Variants in NSG2 observed in about 807,000 individuals in gnomAD.
NSG2 encodes the protein neuronal vesicle trafficking-associated protein 2.
In NSG2, 4 loss-of-function variants were observed where a neutral mutation model predicts 16.9. The observed-to-expected ratio is 0.24, with a 90% CI of 0.12 to 0.54. The LOEUF (loss-of-function observed/expected upper bound fraction) is 0.54. Ranked by LOEUF, NSG2 falls within the 20% of genes least tolerant of loss-of-function variation. NSG2 has a pLI of 0.95. For synonymous variants in NSG2, 98 were observed against 88.7 expected, an observed-to-expected ratio of 1.11 and a Z score of -0.59; for missense variants, 179 against 221.1, an observed-to-expected ratio of 0.81 and a Z score of 1.21.
intron 1 of NSG2, 82 bp from the exon 2 acceptor site, chr5:174,046,652 G>C: frequency 7.8e-7 from 1 of 1,275,968 alleles, no homozygotes; most frequent in Non-Finnish European, 1.1e-6. Flanking sequence ...GAGCTGTTGA[G>C]GACAGTGCTA....
intron 3 of NSG2, among the ~76,000 whole-genome samples, chr5:174,091,644 G>GGTGTGTGTGTGTGTGTGT (rs35746227): frequency 7.2e-6 from 1 of 139,606 alleles, no homozygotes; most frequent in African/African-American, 2.7e-5. Flanking sequence ...AACTAGGACT[G>GGTGTGTGTGTGTGTGTGT]GTGTGTGTGT....
intron 2 of NSG2, among the ~76,000 whole-genome samples, chr5:174,053,025 C>T (rs1037722424): frequency 6.6e-6 from 1 of 152,200 alleles, no homozygotes; most frequent in African/African-American, 2.4e-5. Flanking sequence ...AAACTAATGA[C>T]TAATGTATGG....
At chr5:174,106,976 G>A (rs536079695) in intron 4 of NSG2, among the ~76,000 whole-genome samples, 1 of 152,340 alleles carries the variant, frequency 6.6e-6, no homozygotes, top group East Asian at 1.9e-4. Context: ...AGCCCAGAGA[G>A]GCAACAAGGG....
intron 3 of NSG2, among the ~76,000 whole-genome samples, chr5:174,095,739 T>A (rs1333207604): frequency 1.3e-5 from 2 of 152,206 alleles, no homozygotes; most frequent in Non-Finnish European, 2.9e-5. Flanking sequence ...TTATCCCACG[T>A]AACCCTCAGA....
At chr5:174,106,697 C>T (rs1454065136) in intron 4 of NSG2, among the ~76,000 whole-genome samples, 2 of 145,824 alleles carry the variant, frequency 1.4e-5, no homozygotes, top group African/African-American at 2.6e-5. Flanking sequence ...TGGGTTCAAG[C>T]GATTCTTCTG....
At chr5:174,088,765 G>A (rs59683203) in intron 3 of NSG2, among the ~76,000 whole-genome samples, 22,968 of 152,062 alleles carry the variant, frequency 0.15, 2,224 homozygotes, top group African/African-American at 0.26. Flanking sequence ...TAGGATTCTC[G>A]TTTCCAGATA....
In NSG2 at chr5:174,108,279, C is replaced by A; in HGVS notation, c.*774C>A. 1 of 159,650 alleles carries A rather than the reference C, an allele frequency of 6.3e-6. No homozygotes were observed. 9.9% of individuals were successfully genotyped at this position (159,650 alleles called of 1,614,324 possible). On this transcript the variant is annotated 3_prime_UTR_variant, in exon 5 of 5. Coordinates refer to ENST00000303177, the MANE Select transcript of NSG2 (RefSeq NM_015980.5). ...TTTCTTTGTCTTTTGCTTGCATTTT[C>A]TAGATCCACACCTGGATACTGCCCA...
At chr5:174,066,371 C>A in intron 3 of NSG2, 1 of 417,732 alleles carries the variant, frequency 2.4e-6, no homozygotes, top group South Asian at 1.7e-5. Flanking sequence ...GCCTTCCTGG[C>A]AAGAGATCAC....
At chr5:174,076,862 A>T (rs1045177956) in intron 3 of NSG2, among the ~76,000 whole-genome samples, 1 of 152,184 alleles carries the variant, frequency 6.6e-6, no homozygotes, top group African/African-American at 2.4e-5. Flanking sequence ...ACAACAAAGC[A>T]TTTTCCAGCC....
At chr5:174,057,576 G>A (rs542571150) in intron 2 of NSG2, among the ~76,000 whole-genome samples, 1 of 152,344 alleles carries the variant, frequency 6.6e-6, no homozygotes, top group South Asian at 2.1e-4. Flanking sequence ...TCCCCATGCA[G>A]TGTACCTTCA....
intron 2 of NSG2, among the ~76,000 whole-genome samples, chr5:174,058,687 A>G (rs1297673119): frequency 6.6e-6 from 1 of 152,190 alleles, no homozygotes; most frequent in African/African-American, 2.4e-5. Flanking sequence ...AGAGAGAACA[A>G]GCTTGTCAAA....
At chr5:174,081,994 T>A (rs1760483015) in intron 3 of NSG2, among the ~76,000 whole-genome samples, 1 of 152,180 alleles carries the variant, frequency 6.6e-6, no homozygotes, top group Admixed American at 6.5e-5. Flanking sequence ...ATATATTTTT[T>A]AAAAACAGAA....
Position 174,107,474 on chromosome 5 carries a change from A to G in NSG2, c.485A>G (p.Glu162Gly), listed in dbSNP as rs1276486200. The stretch of plus-strand genomic sequence containing the variant: ...CTGTCAGCAGCCGCTGTCATCCATG[A>G]GCCCAAGCCGCCCAAGACCCAGGGC... ...PWLSAAAVIHEPKPPKTQGH is the reference protein window; with the variant it reads ...PWLSAAAVIHGPKPPKTQGH The change falls in exon 5 of 5, where the codon GAG (glutamate) becomes GGG (glycine). Residue 162 changes from glutamate to glycine, a missense_variant. By Grantham distance (98) the Glu-to-Gly change is moderately conservative. Coordinates refer to ENST00000303177, the MANE Select transcript of NSG2 (RefSeq NM_015980.5). This position sits in a 1 kb window ranked among gnomAD's most constrained non-coding sequence, Gnocchi z 4.5. The G allele has an allele frequency of 6.2e-7, 1 of 1,611,756 alleles. No homozygotes were observed. The highest frequency in any genetic ancestry group is 1.7e-5 in the Admixed American group (1 of 59,904).
rs1178090983 is a variant in NSG2, at chr5:174,064,243, G to A, written c.141G>A (p.Lys47=). The A allele has an allele frequency of 6.2e-7, 1 of 1,609,646 alleles. No individual in the cohort carries two copies. Among genetic ancestry groups the A allele is most frequent in the Non-Finnish European group, 8.5e-7 (1 of 1,177,176 alleles). ...GTTGACTCTTTCAGGTGATTGTGAA[G>A]ACAAGAACGGAATATCAGCCGGAAC... is the stretch of plus-strand genomic sequence containing the variant. ...QLPAPEKVIV[K]TRTEYQPEQK... Residue 47 remains lysine (K), a synonymous_variant, in exon 3 of 5, where the codon AAG becomes AAA. Transcript: ENST00000303177.
intron 3 of NSG2, among the ~76,000 whole-genome samples, chr5:174,081,111 T>G (rs866363874): frequency 4.7e-4 from 72 of 152,292 alleles, no homozygotes; most frequent in African/African-American, 1.7e-3. Context: ...AGTTACCAAC[T>G]TCTCTTATTA....
chr5:174,090,516 C>CT (rs1280105201), intron 3 of NSG2, among the ~76,000 whole-genome samples: 1 of 152,188 alleles, frequency 6.6e-6, no homozygotes, highest in Non-Finnish European at 1.5e-5. Context: ...TGAGCCACTC[C>CT]TATCAGTTCT....
At chr5:174,046,906 T>C in intron 2 of NSG2, 22 bp downstream of exon 2, 1 of 1,611,724 alleles carries the variant, frequency 6.2e-7, no homozygotes, top group Non-Finnish European at 8.5e-7. Context: ...CCTCTTGCTC[T>C]CATCAGCCCC....
intron 2 of NSG2, among the ~76,000 whole-genome samples, chr5:174,053,968 T>A (rs1759930283): frequency 6.6e-6 from 1 of 152,214 alleles, no homozygotes; most frequent in Non-Finnish European, 1.5e-5. Flanking sequence ...CCTATGGGTA[T>A]ATATTTCAAG....
chr5:174,051,713 G>A (rs1581216283), intron 2 of NSG2, among the ~76,000 whole-genome samples: 1 of 152,362 alleles, frequency 6.6e-6, no homozygotes, highest in Non-Finnish European at 1.5e-5. Flanking sequence ...CAATGAGAAA[G>A]AGAGACTTCA....
Sources: allele counts gnomAD v4.1 joint callset (sites outside exome capture counted in the v4.1 genomes callset), GRCh38; gene constraint gnomAD v4.1.1; non-coding constraint Gnocchi (gnomAD v3.1); transcripts MANE v1.5; gene names NCBI Gene and HGNC (gene_info 2026-07-23, HGNC 2026-07-21).